The following MEGF11 variants were observed in gnomAD, a reference collection of about 807,000 sequenced individuals.
MEGF11 encodes the protein multiple EGF like domains 11.
Under a neutral mutation model 146.6 loss-of-function variants are expected in MEGF11, and 126 were observed. That is an observed-to-expected ratio of 0.86 (90% CI 0.74 to 1.00). MEGF11 has a LOEUF of 1.00. MEGF11 is among the 50% of genes least tolerant of loss of function. The pLI is 0.00. For missense variants in MEGF11, 1,509 were observed against 1,521.2 expected (o/e 0.99, Z 0.13); for synonymous variants, 532 against 583.4 (o/e 0.91, Z 1.27).
chr15:65,948,841 G>C (rs1466440095), intron 10 of MEGF11, among the ~76,000 whole-genome samples: 3 of 152,132 alleles, frequency 2.0e-5, no homozygotes, highest in Non-Finnish European at 4.4e-5. Flanking sequence ...GTGTGTGTGT[G>C]TGTCTTATTT....
intron 1 of MEGF11, among the ~76,000 whole-genome samples, chr15:66,232,529 C>T (rs777319334): frequency 3.3e-5 from 5 of 152,100 alleles, no homozygotes; most frequent in Non-Finnish European, 5.9e-5. Context: ...CCCTTAAATC[C>T]TAGCTCTAAA....
chr15:66,007,675 T>A (rs1312439156), intron 5 of MEGF11, among the ~76,000 whole-genome samples: 1 of 151,992 alleles, frequency 6.6e-6, no homozygotes, highest in Non-Finnish European at 1.5e-5. Flanking sequence ...ATGGCTTGAG[T>A]CTGGAGGCAG....
intron 23 of MEGF11, among the ~76,000 whole-genome samples, chr15:65,906,958 T>C (rs541300591): frequency 6.9e-4 from 105 of 152,368 alleles, no homozygotes; most frequent in Non-Finnish European, 1.1e-3. Context: ...GCTTGGGTTC[T>C]TTGCTGCTGG....
At chr15:65,967,198 G>T (rs2141585367) in intron 8 of MEGF11, 1 of 152,222 alleles carries the variant, frequency 6.6e-6, no homozygotes, top group African/African-American at 2.4e-5. Flanking sequence ...ACCATAATTG[G>T]GGCTCAATTA....
intron 5 of MEGF11, among the ~76,000 whole-genome samples, chr15:66,073,355 G>A (rs953537045): frequency 3.3e-5 from 5 of 152,202 alleles, no homozygotes; most frequent in Non-Finnish European, 7.4e-5. Flanking sequence ...CCTTCCTTGT[G>A]GGCAGGCTGT....
At chr15:65,910,096 A>G in intron 21 of MEGF11, 1 of 573,016 alleles carries the variant, frequency 1.7e-6, no homozygotes, top group South Asian at 1.6e-5. Context: ...GAAGCAGATT[A>G]GCTGGGGGGT....
intron 5 of MEGF11, among the ~76,000 whole-genome samples, chr15:66,086,190 A>C (rs2086101643): frequency 6.6e-6 from 1 of 152,240 alleles, no homozygotes; most frequent in African/African-American, 2.4e-5. Context: ...AAGAATAATC[A>C]GTGTTCCTGA....
chr15:66,106,897 C>T (rs1317413225), intron 4 of MEGF11, among the ~76,000 whole-genome samples: 1 of 152,190 alleles, frequency 6.6e-6, no homozygotes, highest in African/African-American at 2.4e-5. Context: ...TTCCTCTTCT[C>T]ATTGGTAAAT....
chr15:65,899,448 TTC>T (rs1462728169), intron 24 of MEGF11, among the ~76,000 whole-genome samples: 1 of 152,244 alleles, frequency 6.6e-6, no homozygotes, highest in Non-Finnish European at 1.5e-5. Flanking sequence ...GCTTAAGTGA[TTC>T]TCCCGCCTCA....
chr15:65,929,098 A>G (rs2079478004), intron 12 of MEGF11, among the ~76,000 whole-genome samples: 1 of 152,232 alleles, frequency 6.6e-6, no homozygotes, highest in Non-Finnish European at 1.5e-5. Flanking sequence ...GTGAAGTAAC[A>G]TGCTCAAGGT....
chr15:66,141,378 G>A (rs1301636336), intron 1 of MEGF11, among the ~76,000 whole-genome samples: 1 of 151,878 alleles, frequency 6.6e-6, no homozygotes. Context: ...GCGGAGGGGA[G>A]GATGTTAATG....
rs2080971475 is a variant in MEGF11, at chr15:65,964,156, G to A, written c.1112+752C>T. 2.0e-5 allele frequency among the ~76,000 whole-genome samples: 3 copies of A among 152,220 alleles called. No individual in the cohort carries two copies. In the South Asian group the frequency reaches 6.2e-4, roughly 31 times the overall value. ...GTTACCTGGGGCAGTGCCAGCTGGT[G>A]CGTGAAGCGGGCAGGGAGGGGAGCT... On this transcript the variant is annotated intron_variant, in intron 9 of 25. Coordinates refer to ENST00000395614, the MANE Select transcript of MEGF11 (RefSeq NM_001385028.1).
chr15:66,141,304 G>GAA (rs2089157224), intron 1 of MEGF11, among the ~76,000 whole-genome samples: 1 of 150,542 alleles, frequency 6.6e-6, no homozygotes, highest in South Asian at 2.1e-4. Context: ...GAGAGAGAGA[G>GAA]AGAGACAGGG....
chr15:65,982,515 C>G lies in MEGF11; in HGVS notation c.395-27G>C, dbSNP rs1459530892. The stretch of plus-strand genomic sequence containing the variant: ...TGCAAGAGACGGGACAGTCAGGGAT[C>G]AGGAGCCCCGAAGGCTCTCCTTGGG... On this transcript the variant is annotated intron_variant, in intron 5 of 25. Coordinates refer to ENST00000395614, the MANE Select transcript of MEGF11 (RefSeq NM_001385028.1). The surrounding 1 kb of genome is among the most constrained non-coding windows in gnomAD (Gnocchi z 5.6). 2 of 1,452,398 alleles carry G rather than the reference C, an allele frequency of 1.4e-6. No individual in the cohort carries two copies. The highest frequency in any genetic ancestry group is 2.6e-5 in the Admixed American group (1 of 37,926). The allele number at this position is 1,452,398 out of a possible 1,614,324, so 90.0% of individuals were successfully genotyped here. A position where few individuals can be genotyped will look rare whatever the true frequency, so the allele number is the denominator to read the frequency against.
intron 2 of MEGF11, among the ~76,000 whole-genome samples, chr15:66,127,968 C>A (rs918592170): frequency 3.9e-5 from 6 of 152,240 alleles, no homozygotes; most frequent in Non-Finnish European, 5.9e-5. Context: ...GACCAAAGTC[C>A]GCATCCCCCC....
At chr15:65,916,779 C>G (rs571468086) in intron 17 of MEGF11, 49 bp downstream of exon 17, 1 of 1,598,294 alleles carries the variant, frequency 6.3e-7, no homozygotes, top group East Asian at 2.3e-5. Context: ...GGCCAGTAGG[C>G]CGCAGCATGG....
chr15:65,921,734 T>A (rs1280362221), intron 15 of MEGF11: 2 of 152,512 alleles, frequency 1.3e-5, no homozygotes, highest in Non-Finnish European at 2.9e-5. Flanking sequence ...ATGTTACAGA[T>A]CAGGGTTTTT....
intron 1 of MEGF11, among the ~76,000 whole-genome samples, chr15:66,135,314 G>A (rs2140986414): frequency 6.6e-6 from 1 of 152,312 alleles, no homozygotes. Flanking sequence ...TGTTTTGGGA[G>A]ACCCCTGGAT....
intron 1 of MEGF11, among the ~76,000 whole-genome samples, chr15:66,174,734 T>C (rs2090349281): frequency 6.6e-6 from 1 of 152,030 alleles, no homozygotes. Context: ...GGAACTGACA[T>C]AGATCATTCC....
Sources: allele counts gnomAD v4.1 joint callset (sites outside exome capture counted in the v4.1 genomes callset), GRCh38; gene constraint gnomAD v4.1.1; non-coding constraint Gnocchi (gnomAD v3.1); transcripts MANE v1.5; gene names NCBI Gene and HGNC (gene_info 2026-07-23, HGNC 2026-07-21).